The following GMEB1 variants were observed in gnomAD, a reference collection of about 807,000 sequenced individuals.
The protein encoded by GMEB1 is glucocorticoid modulatory element binding protein 1, also known as glucocorticoid modulatory element-binding protein 1.
Under a neutral mutation model 52.4 loss-of-function variants are expected in GMEB1, and 6 were observed. The ratio of observed to expected loss-of-function variants is 0.11; its 90% CI spans 0.06 to 0.23. GMEB1 has a LOEUF of 0.23. GMEB1 is among the 10% of genes least tolerant of loss of function. GMEB1 has a pLI of 1.00. For missense variants in GMEB1, 486 were observed against 685.6 expected (o/e 0.71, Z 3.25); for synonymous variants, 255 against 244.9 (o/e 1.04, Z -0.38).
chr1:28,706,949 G>A (rs973889004), intron 8 of GMEB1, among the ~76,000 whole-genome samples: 3 of 145,436 alleles, frequency 2.1e-5, no homozygotes, highest in African/African-American at 7.6e-5. Context: ...TTACAGGCGT[G>A]AGCCACCATG....
At chr1:28,711,479 G>A (rs538023168) in intron 9 of GMEB1, among the ~76,000 whole-genome samples, 1 of 151,866 alleles carries the variant, frequency 6.6e-6, no homozygotes, top group South Asian at 2.1e-4. Context: ...TTTGAGACAG[G>A]GTCTCACTCT....
upstream of GMEB1, among the ~76,000 whole-genome samples, chr1:28,668,276 A>G (rs962781991): frequency 2.4e-4 from 36 of 151,868 alleles, no homozygotes; most frequent in African/African-American, 8.5e-4. Context: ...AGAAACTCAC[A>G]AGCAGGAAAA....
At chr1:28,668,620 G>T (rs996021498), upstream of GMEB1, 1 of 152,874 alleles carries the variant, frequency 6.5e-6, no homozygotes, top group African/African-American at 2.4e-5. Flanking sequence ...AAAGAATTCT[G>T]CTTAGGTAAG....
chr1:28,691,694 C>A lies in GMEB1; in HGVS notation c.321C>A (p.Asn107Lys), dbSNP rs201596426. The A allele has an allele frequency of 6.5e-7, 1 of 1,550,188 alleles. No homozygotes were observed. Among genetic ancestry groups the A allele is most frequent in the Non-Finnish European group, 8.8e-7 (1 of 1,139,632 alleles). ...AGAAGTTTGTATGTCCAGGAATAAA[C>A]GTGAAGTGTGTCAAGGTAATTGTCT... ...LWKKFVCPGINVKCVKFNDQL... is the reference protein window; with the variant it reads ...LWKKFVCPGIKVKCVKFNDQL... The change falls in exon 4 of 10, where the codon AAC (asparagine) becomes AAA (lysine). Residue 107 changes from asparagine to lysine, a missense_variant. Transcript: ENST00000373816.
At chr1:28,696,425 G>A (rs1346071201) in intron 5 of GMEB1, among the ~76,000 whole-genome samples, 1 of 151,990 alleles carries the variant, frequency 6.6e-6, no homozygotes, top group Non-Finnish European at 1.5e-5. Context: ...TACCCAGAAG[G>A]ACAAGCATAT....
intron 1 of GMEB1, among the ~76,000 whole-genome samples, chr1:28,675,070 T>A (rs1206810999): frequency 1.5e-5 from 2 of 132,230 alleles, no homozygotes; most frequent in Non-Finnish European, 1.6e-5. Flanking sequence ...CAGGCTGGAG[T>A]GCAGTGGCTC....
intron 6 of GMEB1, among the ~76,000 whole-genome samples, chr1:28,698,674 C>CAAA (rs138996886): frequency 2.5e-5 from 3 of 120,882 alleles, no homozygotes; most frequent in Admixed American, 8.4e-5. Context: ...GACTCCATCT[C>CAAA]AAAAAAAAAA....
At chr1:28,683,774 T>G in intron 2 of GMEB1, 34 bp downstream of exon 2, 1 of 1,607,262 alleles carries the variant, frequency 6.2e-7, no homozygotes, top group Admixed American at 1.7e-5. Context: ...TTCTGAAGTA[T>G]TTTGGGAAGC....
intron 1 of GMEB1, among the ~76,000 whole-genome samples, chr1:28,674,560 A>G (rs550472535): frequency 2.0e-5 from 3 of 151,432 alleles, no homozygotes; most frequent in Non-Finnish European, 4.4e-5. Flanking sequence ...ACGCTTGGCT[A>G]ATTTTGTATT....
At chr1:28,693,077 A>G (rs1297834054) in intron 5 of GMEB1, 32 bp downstream of exon 5, 7 of 1,142,648 alleles carry the variant, frequency 6.1e-6, no homozygotes, top group African/African-American at 1.6e-5. Context: ...ATACCTTTCA[A>G]CAAACTTTGG....
intron 8 of GMEB1, among the ~76,000 whole-genome samples, chr1:28,705,650 C>A (rs990815582): frequency 1.5e-4 from 22 of 150,338 alleles, no homozygotes; most frequent in African/African-American, 5.1e-4. Context: ...GAGGTTTCAC[C>A]ATGTTGGCCA....
At chr1:28,694,385 G>A (rs1183189964) in intron 5 of GMEB1, among the ~76,000 whole-genome samples, 8 of 150,964 alleles carry the variant, frequency 5.3e-5, no homozygotes, top group Non-Finnish European at 1.2e-4. Flanking sequence ...TAATAGAGAC[G>A]GGGTTTCATC....
At chr1:28,690,768 G>A (rs925081837) in intron 3 of GMEB1, among the ~76,000 whole-genome samples, 1 of 151,996 alleles carries the variant, frequency 6.6e-6, no homozygotes, top group African/African-American at 2.4e-5. Context: ...ATCACCTGAG[G>A]TCAGGAGTTT....
At chr1:28,686,025 G>A (rs1024609150) in intron 2 of GMEB1, among the ~76,000 whole-genome samples, 6 of 152,118 alleles carry the variant, frequency 3.9e-5, no homozygotes, top group Admixed American at 3.3e-4. Context: ...ACTTGCCACC[G>A]TTAAGTGCAA....
intron 3 of GMEB1, among the ~76,000 whole-genome samples, chr1:28,690,688 A>G (rs1219953760): frequency 2.0e-5 from 3 of 152,174 alleles, no homozygotes; most frequent in African/African-American, 7.2e-5. Flanking sequence ...TAATTAATTT[A>G]AAAAACATCT....
At chr1:28,671,231 G>A (rs1557491960) in intron 1 of GMEB1, among the ~76,000 whole-genome samples, 1 of 152,176 alleles carries the variant, frequency 6.6e-6, no homozygotes, top group East Asian at 1.9e-4. Context: ...TTTTCCCCCC[G>A]TTTTAAACAA....
chr1:28,698,654 G>T (rs1318916762), intron 6 of GMEB1, among the ~76,000 whole-genome samples: 1 of 137,946 alleles, frequency 7.2e-6, no homozygotes, highest in Non-Finnish European at 1.5e-5. Context: ...CAGCCTGGGC[G>T]ACAAAGCGAG....
intron 9 of GMEB1, 111 bp downstream of exon 9, chr1:28,710,753 A>C (rs1570439172): frequency 1.5e-6 from 1 of 651,242 alleles, no homozygotes; most frequent in Admixed American, 3.4e-5. Flanking sequence ...ATAGTATCAG[A>C]TTTTGCTTTT....
intron 1 of GMEB1, among the ~76,000 whole-genome samples, chr1:28,671,219 AT>A (rs1054477319): frequency 6.6e-6 from 1 of 152,150 alleles, no homozygotes; most frequent in African/African-American, 2.4e-5. Context: ...TTTAACTTGG[AT>A]TTTTCCCCCC....
Sources: gnomAD v4.1 joint callset for allele counts (sites outside exome capture counted in the v4.1 genomes callset) on GRCh38, gnomAD v4.1.1 for gene constraint, MANE v1.5 for transcripts, NCBI Gene and HGNC (gene_info 2026-07-23, HGNC 2026-07-21) for gene names.